The following DMD variants were observed in gnomAD, a reference collection of about 807,000 sequenced individuals.
DMD encodes the protein mutant dystrophin.
Under a neutral mutation model 330.1 loss-of-function variants are expected in DMD, and 63 were observed. That is an observed-to-expected ratio of 0.19 (90% CI 0.16 to 0.24). The LOEUF (loss-of-function observed/expected upper bound fraction) is 0.24. DMD is among the 10% of genes least tolerant of loss of function. The pLI is 1.00. For synonymous variants in DMD, 1,223 were observed against 959.8 expected (o/e 1.27, Z -5.07); for missense variants, 3,344 against 2,684.1 (o/e 1.25, Z -5.43).
At chrX:33,307,645 C>T (rs1015502529) in intron 1 of DMD, among the ~76,000 whole-genome samples, 5 of 111,374 alleles carry the variant, frequency 4.5e-5, no homozygotes, top group East Asian at 2.8e-4. Flanking sequence ...GTGAGCCATG[C>T]GCCACTGCAC....
chrX:31,178,726 T>C lies in DMD; in HGVS notation c.10166A>G (p.His3389Arg). The C allele has an allele frequency of 8.3e-7, 1 of 1,211,462 alleles. No homozygotes were observed. The highest frequency in any genetic ancestry group is 1.1e-6 in the Non-Finnish European group (1 of 895,127). The change falls in exon 70 of 79, where the codon CAT becomes CGT. Residue 3389 changes from histidine (H) to arginine (R), a missense_variant. By Grantham distance (29) the His-to-Arg change is conservative. Transcript: ENST00000357033. ...CACTGGCAGGTAGCCCATTCGGGGATGCTTCGCAAAATACCTTTTGGTTCG... is the reference window on the plus strand; with the variant it reads ...CACTGGCAGGTAGCCCATTCGGGGACGCTTCGCAAAATACCTTTTGGTTCG... ...KFRTKRYFAK[H>R]PRMGYLPVQT... is the part of the protein sequence containing the mutation.
In DMD at chrX:32,199,780, T is replaced by TGTG. The variant is rs2097024425; in HGVS notation, c.6438+17135_6438+17136insCAC. ...CAGCAAGCGCCACCACGCAAGGCTT[T>TGTG]TGTGTGTGTGTGTGTGTGTGTGTGT... is the stretch of plus-strand genomic sequence containing the variant. On this transcript the variant is annotated intron_variant, in intron 44 of 78. Coordinates refer to ENST00000357033, the MANE Select transcript of DMD (RefSeq NM_004006.3). Among the ~76,000 whole-genome samples the TGTG allele has an allele frequency of 7.1e-5, 6 of 84,137 alleles. No individual in the cohort carries two copies. In the Admixed American group the frequency reaches 8.8e-4, roughly 12 times the overall value. 73.1% of individuals were successfully genotyped at this position (84,137 alleles called of 115,157 possible).
chrX:32,594,722 A>G (rs949903898), intron 13 of DMD, among the ~76,000 whole-genome samples: 2 of 111,591 alleles, frequency 1.8e-5, no homozygotes, highest in Non-Finnish European at 3.8e-5. Flanking sequence ...CTCCTTCTGT[A>G]CCATCTTCTC....
intron 2 of DMD, among the ~76,000 whole-genome samples, chrX:32,946,461 G>A (rs760433752): frequency 9.0e-6 from 1 of 111,624 alleles, no homozygotes; most frequent in African/African-American, 3.2e-5. Flanking sequence ...TCTACTCTGA[G>A]TGTTTTTCTG....
chrX:33,259,605 C>G lies in DMD; in HGVS notation c.7+79654G>C, dbSNP rs1161690182. On this transcript the variant is annotated intron_variant, in intron 1 of 17. Transcript: ENST00000288447. ...GTAAATATTTCAAAATCGCCCCCCC[C>G]CCCCAAAAAAAAAAAGGAAATCTGA... is the stretch of plus-strand genomic sequence containing the variant. Among the ~76,000 whole-genome samples, 91 of 70,315 alleles carry G rather than the reference C, an allele frequency of 1.3e-3. 6 individuals carry two copies. Among genetic ancestry groups the G allele is most frequent in the South Asian group, 2.5e-3 (2 of 814 alleles). The allele number at this position is 70,315 out of a possible 115,157, so 61.1% of individuals were successfully genotyped here. A position where few individuals can be genotyped will look rare whatever the true frequency, so the allele number is the denominator to read the frequency against.
At position 32,491,331 on chromosome X, in the gene DMD, T is replaced by C. The variant is rs2148630906; in HGVS notation, c.2568A>G (p.Gln856=). 8.3e-7 allele frequency: 1 copy of C among 1,211,372 alleles called. No homozygotes were observed. Among genetic ancestry groups the C allele is most frequent in the Non-Finnish European group, 1.1e-6 (1 of 895,268 alleles). ...CTGTTGGCTCTGATGGGGTGGTGGG[T>C]TGGATTTTCAACCAGTTTTCAGCAG... The part of the protein sequence containing the change: ...TTTAENWLKI[Q]PTTPSEPTAI... Residue 856 remains glutamine, a synonymous_variant, in exon 20 of 79, where the codon CAA becomes CAG. Transcript: ENST00000357033.
chrX:31,266,678 CCCAGCCGCCCGGCGCCCCGGGT>C (rs1453788590), intron 62 of DMD: 12 of 677,710 alleles, frequency 1.8e-5, no homozygotes, highest in African/African-American at 1.5e-4. Context: ...TTCCTAGACG[CCCAGCCGCCCGGCGCCCCGGGT>C]CCAGCCGCCG....
At position 32,085,608 on chromosome X, in the gene DMD, A is replaced by G. The variant is rs887130405; in HGVS notation, c.6439-117094T>C. On this transcript the variant is annotated intron_variant, in intron 44 of 78. Coordinates refer to ENST00000357033, the MANE Select transcript of DMD (RefSeq NM_004006.3). ...CACACACATATATGTATATATGTGT[A>G]TATATATACGTATATATATACACAT... Among the ~76,000 whole-genome samples, 20 of 95,164 alleles carry G rather than the reference A, an allele frequency of 2.1e-4. 1 individual carries two copies. The highest frequency in any genetic ancestry group is 5.3e-4 in the African/African-American group (13 of 24,516). The allele number at this position is 95,164 out of a possible 115,157, so 82.6% of individuals were successfully genotyped here.
At chrX:32,780,550 A>T (rs2074618149) in intron 7 of DMD, among the ~76,000 whole-genome samples, 1 of 108,456 alleles carries the variant, frequency 9.2e-6, no homozygotes, top group Non-Finnish European at 1.9e-5. Context: ...GTAATCAGGA[A>T]GGCCTTTCTT....
intron 77 of DMD, among the ~76,000 whole-genome samples, chrX:31,129,125 C>T (rs748065244): frequency 7.2e-5 from 8 of 110,814 alleles, no homozygotes; most frequent in Admixed American, 3.8e-4. Context: ...GGTCAGGTCC[C>T]GAGAAGTCTA....
Position 32,709,824 on chromosome X carries a change from A to AT in DMD, c.650-10532dup, listed in dbSNP as rs767238057. Among the ~76,000 whole-genome samples the AT allele has an allele frequency of 4.1e-3, 457 of 111,548 alleles. 1 individual carries two copies. The highest frequency in any genetic ancestry group is 0.013 in the African/African-American group (403 of 30,742). ...GTCACAAACTGTCATTATTATGTTT[A>AT]TTTTTTATATAAGAATATAAAAACC... is the stretch of plus-strand genomic sequence containing the variant. On this transcript the variant is annotated intron_variant, in intron 7 of 78. Transcript: ENST00000357033.
intron 7 of DMD, among the ~76,000 whole-genome samples, chrX:32,740,882 A>T (rs1023213493): frequency 2.7e-5 from 3 of 111,746 alleles, no homozygotes; most frequent in Non-Finnish European, 5.7e-5. Context: ...CCTAGATTAT[A>T]CAGTAAGTAA....
intron 20 of DMD, among the ~76,000 whole-genome samples, chrX:32,490,361 G>A (rs1456303731): frequency 9.0e-6 from 1 of 111,630 alleles, no homozygotes; most frequent in Non-Finnish European, 1.9e-5. Context: ...TACAGCTCTT[G>A]TTTTCTTACA....
At chrX:31,392,544 C>A (rs901427851) in intron 60 of DMD, among the ~76,000 whole-genome samples, 3 of 112,077 alleles carry the variant, frequency 2.7e-5, no homozygotes, top group African/African-American at 9.7e-5. Context: ...TCTTCTAATT[C>A]TGCATCTGGG....
chrX:32,848,776 T>G (rs1378192442), intron 3 of DMD, among the ~76,000 whole-genome samples: 6 of 111,421 alleles, frequency 5.4e-5, no homozygotes, highest in African/African-American at 2.0e-4. Context: ...AATCAAGGTT[T>G]CTGGCAGACA....
intron 55 of DMD, among the ~76,000 whole-genome samples, chrX:31,566,533 T>C (rs964798005): frequency 1.8e-5 from 2 of 112,022 alleles, no homozygotes; most frequent in Admixed American, 9.5e-5. Flanking sequence ...GTAGAGAGGT[T>C]ACTCCCACTT....
intron 57 of DMD, among the ~76,000 whole-genome samples, chrX:31,485,498 T>C (rs1312043733): frequency 8.9e-6 from 1 of 111,951 alleles, no homozygotes; most frequent in African/African-American, 3.2e-5. Context: ...ACCTGGCCAC[T>C]GATTATTTTT....
At chrX:33,328,674 C>T (rs1430691621) in intron 1 of DMD, among the ~76,000 whole-genome samples, 1 of 111,258 alleles carries the variant, frequency 9.0e-6, no homozygotes, top group African/African-American at 3.3e-5. Context: ...CAGTATTAGA[C>T]AAGACTAAAG....
intron 1 of DMD, among the ~76,000 whole-genome samples, chrX:33,128,708 A>C (rs2095479571): frequency 8.9e-6 from 1 of 112,170 alleles, no homozygotes; most frequent in African/African-American, 3.2e-5. Flanking sequence ...GAAGCAGAGA[A>C]GGAAGCAAAA....
Sources: gnomAD v4.1 joint callset for allele counts (sites outside exome capture counted in the v4.1 genomes callset) on GRCh38, gnomAD v4.1.1 for gene constraint, MANE v1.5 for transcripts, NCBI Gene and HGNC (gene_info 2026-07-23, HGNC 2026-07-21) for gene names.